The following PTF1A variants were observed in gnomAD, a reference collection of about 807,000 sequenced individuals.
PTF1A encodes pancreas transcription factor 1 subunit alpha.
A neutral mutation model predicts 22.6 loss-of-function variants in PTF1A; 18 were observed. The ratio of observed to expected loss-of-function variants is 0.80; its 90% CI spans 0.55 to 1.18. The LOEUF (loss-of-function observed/expected upper bound fraction) is 1.18. Ranked by LOEUF, PTF1A falls within the 50% of genes most tolerant of loss-of-function variation. The pLI, the probability that PTF1A is intolerant of heterozygous loss-of-function variation, is 0.00. For synonymous variants in PTF1A, 259 were observed against 227.9 expected, an observed-to-expected ratio of 1.14 and a Z score of -1.23; for missense variants, 477 against 473.0, an observed-to-expected ratio of 1.01 and a Z score of -0.08.
In PTF1A at chr10:23,192,910, C is replaced by T; in HGVS notation, c.380C>T (p.Ala127Val). The change falls in exon 1 of 2, where the codon GCC (alanine) becomes GTC (valine). Residue 127 changes from alanine to valine, a missense_variant. By Grantham distance (64) the Ala-to-Val change is moderately conservative (BLOSUM62 0). Coordinates refer to ENST00000376504, the MANE Select transcript of PTF1A (RefSeq NM_178161.3). ...SPPSCLAYPC[A>V]GAAVLSPGAR... The stretch of plus-strand genomic sequence containing the variant: ...CCCTCGTGCCTGGCCTACCCGTGCG[C>T]CGGGGCGGCAGTACTGTCTCCCGGG... The T allele has an allele frequency of 1.6e-6, 2 of 1,266,080 alleles. No individual in the cohort carries two copies. The highest frequency in any genetic ancestry group is 2.0e-6 in the Non-Finnish European group (2 of 1,001,988). The allele number at this position is 1,266,080 out of a possible 1,614,324, so 78.4% of individuals were successfully genotyped here.
chr10:23,194,105 A>G lies in PTF1A; in HGVS notation c.*199A>G, dbSNP rs1840935430. ...TATATAATTTATATAACTTATCCTG[A>G]TTTTCTGAAAATATGCAATAGCCTA... On this transcript the variant is annotated 3_prime_UTR_variant, in exon 2 of 2. Transcript: ENST00000376504. 1 of 535,078 alleles carries G rather than the reference A, an allele frequency of 1.9e-6. No individual in the cohort carries two copies. Among genetic ancestry groups the G allele is most frequent in the South Asian group, 2.6e-5 (1 of 37,820 alleles). The allele number at this position is 535,078 out of a possible 1,614,324, so 33.1% of individuals were successfully genotyped here.
chr10:23,193,046 G>T lies in PTF1A; in HGVS notation c.516G>T (p.Glu172Asp). 1 of 1,324,510 alleles carries T rather than the reference G, an allele frequency of 7.5e-7. No individual in the cohort carries two copies. Among genetic ancestry groups the T allele is most frequent in the East Asian group, 3.7e-5 (1 of 27,210 alleles). 82.0% of individuals were successfully genotyped at this position (1,324,510 alleles called of 1,614,324 possible). A position where few individuals can be genotyped will look rare whatever the true frequency, so the allele number is the denominator to read the frequency against. The stretch of plus-strand genomic sequence containing the variant: ...TGCGGCAGGCGGCCAACGTGCGCGA[G>T]CGGCGGCGCATGCAGTCCATCAACG... Reference protein sequence around the residue: ...QQLRQAANVRERRRMQSINDA... With the variant: ...QQLRQAANVRDRRRMQSINDA... The change falls in exon 1 of 2, where the codon GAG (glutamate) becomes GAT (aspartate). Residue 172 changes from glutamate (E) to aspartate (D), a missense_variant. Transcript: ENST00000376504.
Position 23,192,839 on chromosome 10 carries a change from G to A in PTF1A, c.309G>A (p.Glu103=). 1.5e-6 allele frequency: 2 copies of A among 1,310,282 alleles called. No homozygotes were observed. Among genetic ancestry groups the A allele is most frequent in the East Asian group, 6.4e-5 (2 of 31,144 alleles). 81.2% of individuals were successfully genotyped at this position (1,310,282 alleles called of 1,614,324 possible). Reference sequence around the variant, plus strand: ...GCGGCGGCGGCGGCTACTGCTGCGAGACGGGGGCGCCCCCAGGCGGCTTCC... The same window carrying A: ...GCGGCGGCGGCGGCTACTGCTGCGAAACGGGGGCGCCCCCAGGCGGCTTCC... The part of the protein sequence containing the change: ...DDGGGGGYCC[E]TGAPPGGFPY... Residue 103 remains glutamate, a synonymous_variant, in exon 1 of 2, where the codon GAG becomes GAA. Coordinates refer to ENST00000376504, the MANE Select transcript of PTF1A (RefSeq NM_178161.3).
chr10:23,193,787 A>G lies in PTF1A; in HGVS notation c.868A>G (p.Lys290Glu). ...SLSWTDEKQL[K>E]EQNIIRTAKV... The stretch of plus-strand genomic sequence containing the variant: ...CTCATGGACTGATGAAAAACAACTC[A>G]AGGAACAAAATATTATCCGAACAGC... The change falls in exon 2 of 2, where the codon AAG (lysine) becomes GAG (glutamate). Residue 290 changes from lysine to glutamate, a missense_variant. Coordinates refer to ENST00000376504, the MANE Select transcript of PTF1A (RefSeq NM_178161.3). The G allele has an allele frequency of 1.2e-6, 2 of 1,613,844 alleles. No individual in the cohort carries two copies. The highest frequency in any genetic ancestry group is 1.7e-6 in the Non-Finnish European group (2 of 1,179,816).
In PTF1A at chr10:23,192,731, C is replaced by T. The variant is rs539214102; in HGVS notation, c.201C>T (p.Cys67=). 78 of 1,512,648 alleles carry T rather than the reference C, an allele frequency of 5.2e-5. 1 individual carries two copies. In the South Asian group the frequency reaches 9.1e-4, roughly 18 times the overall value. The allele number at this position is 1,512,648 out of a possible 1,614,324, so 93.7% of individuals were successfully genotyped here. Residue 67 remains cysteine (C), a synonymous_variant, in exon 1 of 2, where the codon TGC becomes TGT. Coordinates refer to ENST00000376504, the MANE Select transcript of PTF1A (RefSeq NM_178161.3). ...LHEYCYRDGA[C]LLLQPAPPAA... is the part of the protein sequence containing the mutation. ...AGTACTGCTACCGCGACGGGGCGTG[C>T]CTGCTGCTGCAGCCCGCGCCCCCGG...
Position 23,192,979 on chromosome 10 carries a change from G to C in PTF1A, c.449G>C (p.Arg150Pro). Residue 150 changes from arginine to proline, a missense_variant, in exon 1 of 2, where the codon CGG (arginine) becomes CCG (proline). Transcript: ENST00000376504. ...AGCGGAGCGGCGGCTGCGGCGGCGC[G>C]GCGCCGGCGGCGGGTGCGCTCCGAG... ...GLSGAAAAAA[R>P]RRRRVRSEAE... is the part of the protein sequence containing the mutation. 1 of 1,133,738 alleles carries C rather than the reference G, an allele frequency of 8.8e-7. No homozygotes were observed. Among genetic ancestry groups the C allele is most frequent in the Non-Finnish European group, 1.1e-6 (1 of 928,022 alleles). 70.2% of individuals were successfully genotyped at this position (1,133,738 alleles called of 1,614,324 possible).
In PTF1A at chr10:23,192,741, C is replaced by A; in HGVS notation, c.211C>A (p.Gln71Lys). Residue 71 changes from glutamine (Q) to lysine (K), a missense_variant, in exon 1 of 2, where the codon CAG (glutamine) becomes AAG (lysine). By Grantham distance (53) the Gln-to-Lys change is moderately conservative (BLOSUM62 1). Coordinates refer to ENST00000376504, the MANE Select transcript of PTF1A (RefSeq NM_178161.3). The stretch of plus-strand genomic sequence containing the variant: ...CCGCGACGGGGCGTGCCTGCTGCTG[C>A]AGCCCGCGCCCCCGGCCGCCCCGCT... ...CYRDGACLLL[Q>K]PAPPAAPLAL... The A allele has an allele frequency of 6.8e-7, 1 of 1,468,618 alleles. No homozygotes were observed. The highest frequency in any genetic ancestry group is 9.0e-7 in the Non-Finnish European group (1 of 1,111,426). The allele number at this position is 1,468,618 out of a possible 1,614,324, so 91.0% of individuals were successfully genotyped here. A position where few individuals can be genotyped will look rare whatever the true frequency, so the allele number is the denominator to read the frequency against.
chr10:23,193,451 C>G, intron 1 of PTF1A, 137 bp downstream of exon 1: 1 of 841,804 alleles, frequency 1.2e-6, no homozygotes, highest in Non-Finnish European at 1.8e-6. Context: ...TGAATGCGAG[C>G]TCGCGTTTCT....
Position 23,193,996 on chromosome 10 carries a change from A to G in PTF1A, c.*90A>G, listed in dbSNP as rs1164884722. On this transcript the variant is annotated 3_prime_UTR_variant, in exon 2 of 2. Transcript: ENST00000376504. ...TAATGTAAATGTAATTTAAGAATCA[A>G]ATTTTTCGAATGGCAATCAACTGTT... The G allele has an allele frequency of 3.8e-6, 4 of 1,056,170 alleles. No individual in the cohort carries two copies. The highest frequency in any genetic ancestry group is 1.3e-5 in the South Asian group (1 of 77,542). 65.4% of individuals were successfully genotyped at this position (1,056,170 alleles called of 1,614,324 possible).
At position 23,192,706 on chromosome 10, in the gene PTF1A, A is replaced by T; in HGVS notation, c.176A>T (p.Glu59Val). 1.3e-6 allele frequency: 2 copies of T among 1,576,108 alleles called. No homozygotes were observed. The highest frequency in any genetic ancestry group is 1.7e-6 in the Non-Finnish European group (2 of 1,165,468). The change falls in exon 1 of 2, where the codon GAG becomes GTG. Residue 59 changes from glutamate to valine, a missense_variant. By Grantham distance (121) the Glu-to-Val change is moderately radical. Coordinates refer to ENST00000376504, the MANE Select transcript of PTF1A (RefSeq NM_178161.3). Reference protein sequence around the residue: ...EVEFLSHQLHEYCYRDGACLL... With the variant: ...EVEFLSHQLHVYCYRDGACLL... Reference sequence around the variant, plus strand: ...GAGTTCCTTAGCCACCAGCTCCACGAGTACTGCTACCGCGACGGGGCGTGC... The same window carrying T: ...GAGTTCCTTAGCCACCAGCTCCACGTGTACTGCTACCGCGACGGGGCGTGC...
Position 23,193,423 on chromosome 10 carries a change from G to A in PTF1A, c.784+109G>A, listed in dbSNP as rs989951925. The A allele has an allele frequency of 2.0e-5, 23 of 1,127,332 alleles. No individual in the cohort carries two copies. The African/African-American group carries it at 3.0e-4, about 15-fold the overall frequency. 69.8% of individuals were successfully genotyped at this position (1,127,332 alleles called of 1,614,324 possible). On this transcript the variant is annotated intron_variant, in intron 1 of 1. Transcript: ENST00000376504. ...CAGACAGTCGGACCGACGGATTGTC[G>A]GTGGGCACGGAAAAACTTGAATGCG...
Position 23,194,040 on chromosome 10 carries a change from TATC to T in PTF1A, c.*135_*137del, listed in dbSNP as rs1207371251. 1.6e-5 allele frequency: 11 copies of T among 706,636 alleles called. No homozygotes were observed. The highest frequency in any genetic ancestry group is 5.4e-5 in the African/African-American group (3 of 55,458). The allele number at this position is 706,636 out of a possible 1,614,324, so 43.8% of individuals were successfully genotyped here. ...AACTGTTTATTATTTATCTATTTATTATCCTGTTGAGTTGATGAAATAGATGAT... is the reference window on the plus strand; with the variant it reads ...AACTGTTTATTATTTATCTATTTATTCTGTTGAGTTGATGAAATAGATGAT... On this transcript the variant is annotated 3_prime_UTR_variant, in exon 2 of 2. Transcript: ENST00000376504.
chr10:23,192,887 C>G lies in PTF1A; in HGVS notation c.357C>G (p.Pro119=), dbSNP rs1840910678. 1.5e-6 allele frequency: 2 copies of G among 1,311,948 alleles called. No homozygotes were observed. Among genetic ancestry groups the G allele is most frequent in the Non-Finnish European group, 1.9e-6 (2 of 1,027,310 alleles). 81.3% of individuals were successfully genotyped at this position (1,311,948 alleles called of 1,614,324 possible). A position where few individuals can be genotyped will look rare whatever the true frequency, so the allele number is the denominator to read the frequency against. ...TCCCCTACTCGCCCGGCTCGCCGCC[C>G]TCGTGCCTGGCCTACCCGTGCGCCG... ...GGFPYSPGSP[P]SCLAYPCAGA... is the part of the protein sequence containing the mutation. The change falls in exon 1 of 2, where the codon CCC becomes CCG. Residue 119 remains proline (P), a synonymous_variant. Transcript: ENST00000376504.
Position 23,192,874 on chromosome 10 carries a change from C to T in PTF1A, c.344C>T (p.Pro115Leu). ...GAPPGGFPYS[P>L]GSPPSCLAYP... ...CCCCCAGGCGGCTTCCCCTACTCGCCCGGCTCGCCGCCCTCGTGCCTGGCC... is the reference window on the plus strand; with the variant it reads ...CCCCCAGGCGGCTTCCCCTACTCGCTCGGCTCGCCGCCCTCGTGCCTGGCC... Residue 115 changes from proline (P) to leucine (L), a missense_variant, in exon 1 of 2, where the codon CCC becomes CTC. Pro to Leu is a moderately conservative substitution (Grantham distance 98). Transcript: ENST00000376504. The T allele has an allele frequency of 3.8e-6, 5 of 1,315,310 alleles. No individual in the cohort carries two copies. Among genetic ancestry groups the T allele is most frequent in the Non-Finnish European group, 4.9e-6 (5 of 1,029,782 alleles). The allele number at this position is 1,315,310 out of a possible 1,614,324, so 81.5% of individuals were successfully genotyped here.
intron 1 of PTF1A, 174 bp from the exon 2 acceptor site, chr10:23,193,530 G>A: frequency 1.4e-6 from 1 of 733,124 alleles, no homozygotes; most frequent in Non-Finnish European, 2.3e-6. Flanking sequence ...GTCCCCGCCA[G>A]ACTTGCAGCT....
intron 1 of PTF1A, 178 bp from the exon 2 acceptor site, chr10:23,193,526 G>A: frequency 1.4e-6 from 1 of 701,130 alleles, no homozygotes; most frequent in Non-Finnish European, 2.4e-6. Flanking sequence ...GCGCGTCCCC[G>A]CCAGACTTGC....
In PTF1A at chr10:23,193,218, G is replaced by C; in HGVS notation, c.688G>C (p.Ala230Pro). 1 of 1,313,850 alleles carries C rather than the reference G, an allele frequency of 7.6e-7. No individual in the cohort carries two copies. Among genetic ancestry groups the C allele is most frequent in the Non-Finnish European group, 9.8e-7 (1 of 1,025,464 alleles). 81.4% of individuals were successfully genotyped at this position (1,313,850 alleles called of 1,614,324 possible). A position where few individuals can be genotyped will look rare whatever the true frequency, so the allele number is the denominator to read the frequency against. Residue 230 changes from alanine (A) to proline (P), a missense_variant, in exon 1 of 2, where the codon GCG becomes CCG. Physicochemically the swap from Ala to Pro is conservative, Grantham distance 27 (BLOSUM62 -1). Transcript: ENST00000376504. ...QADLPLRGGG[A>P]GGCGGPGGGG... ...CGACCTGCCCTTGCGCGGCGGTGGC[G>C]CGGGCGGCTGCGGGGGGCCGGGCGG...
intron 1 of PTF1A, 171 bp downstream of exon 1, chr10:23,193,485 T>TTTTTC: frequency 2.6e-6 from 2 of 768,742 alleles, no homozygotes; most frequent in African/African-American, 1.7e-5. Flanking sequence ...TTTTTTATTT[T>TTTTTC]TCTGCCACGT....
At chr10:23,193,410 C>A (rs1840920683) in intron 1 of PTF1A, 96 bp downstream of exon 1, 1 of 1,226,518 alleles carries the variant, frequency 8.2e-7, no homozygotes, top group Non-Finnish European at 1.1e-6. Flanking sequence ...GACAGTCGGA[C>A]CGACGGATTG....
Sources: allele counts gnomAD v4.1 joint callset, GRCh38; gene constraint gnomAD v4.1.1; transcripts MANE v1.5; gene names NCBI Gene and HGNC (gene_info 2026-07-23, HGNC 2026-07-21).